The following PLEKHA5 variants were observed in gnomAD, a reference collection of about 807,000 sequenced individuals.
PLEKHA5 encodes pleckstrin homology domain-containing family A member 5.
In PLEKHA5, 55 loss-of-function variants were observed where a neutral mutation model predicts 181.9. That is an observed-to-expected ratio of 0.30 (90% CI 0.24 to 0.38). The LOEUF (loss-of-function observed/expected upper bound fraction) is 0.38. Among genes scored for constraint, PLEKHA5 ranks in the 10% least tolerant of loss-of-function variants. The probability of loss-of-function intolerance (pLI) is 1.00; values close to 1 mark genes in which losing one functional copy is unlikely to be tolerated. For synonymous variants in PLEKHA5, 535 were observed against 529.4 expected, an observed-to-expected ratio of 1.01 and a Z score of -0.15; for missense variants, 1,432 against 1,549.5, an observed-to-expected ratio of 0.92 and a Z score of 1.27.
At chr12:19,303,194 C>T (rs989037809) in intron 15 of PLEKHA5, among the ~76,000 whole-genome samples, 3 of 142,058 alleles carry the variant, frequency 2.1e-5, no homozygotes, top group East Asian at 4.8e-4. Flanking sequence ...AGTGAGTCAC[C>T]GCATCCAGCC....
intron 3 of PLEKHA5, among the ~76,000 whole-genome samples, chr12:19,236,381 C>T (rs1222294346): frequency 6.6e-6 from 1 of 152,128 alleles, no homozygotes; most frequent in Non-Finnish European, 1.5e-5. Context: ...ACTATAGAAT[C>T]TATCTTGTTG....
chr12:19,141,677 G>A (rs891836381), intron 3 of PLEKHA5, among the ~76,000 whole-genome samples: 1 of 152,178 alleles, frequency 6.6e-6, no homozygotes, highest in African/African-American at 2.4e-5. Flanking sequence ...AGAAAGTGCT[G>A]AATTTTGAGG....
At chr12:19,199,330 A>AGTTG (rs1452519435) in intron 3 of PLEKHA5, among the ~76,000 whole-genome samples, 4 of 152,196 alleles carry the variant, frequency 2.6e-5, no homozygotes, top group African/African-American at 9.6e-5. Flanking sequence ...AAAGCAATAA[A>AGTTG]ATATAAATAA....
chr12:19,243,511 G>A (rs1439785000), intron 3 of PLEKHA5: 7 of 152,212 alleles, frequency 4.6e-5, no homozygotes, highest in Non-Finnish European at 1.0e-4. Context: ...TGCTGGAGGT[G>A]AGGTTGAGTG....
At chr12:19,228,567 A>G (rs1291332512) in intron 3 of PLEKHA5, among the ~76,000 whole-genome samples, 1 of 152,212 alleles carries the variant, frequency 6.6e-6, no homozygotes. Flanking sequence ...TATATGAGGA[A>G]GATGTTATTA....
intron 3 of PLEKHA5, among the ~76,000 whole-genome samples, chr12:19,192,734 T>A (rs1018121865): frequency 2.6e-5 from 4 of 152,124 alleles, no homozygotes; most frequent in Admixed American, 6.6e-5. Flanking sequence ...AAGAATTTAT[T>A]CTTACTAAAA....
chr12:19,240,910 G>A (rs1305447761), intron 3 of PLEKHA5, among the ~76,000 whole-genome samples: 5 of 152,038 alleles, frequency 3.3e-5, no homozygotes, highest in East Asian at 1.9e-4. Flanking sequence ...GCAACTTTTC[G>A]AGTAAGTATT....
chr12:19,353,623 C>G (rs753095731), intron 25 of PLEKHA5, among the ~76,000 whole-genome samples: 47 of 152,172 alleles, frequency 3.1e-4, no homozygotes, highest in Non-Finnish European at 5.3e-4. Context: ...CCACGCCCAT[C>G]TAATTTTGTA....
chr12:19,144,509 C>T (rs906582418), intron 3 of PLEKHA5, among the ~76,000 whole-genome samples: 35 of 152,160 alleles, frequency 2.3e-4, no homozygotes, highest in African/African-American at 8.4e-4. Context: ...ATCATGCTTT[C>T]CCATGTGGTC....
rs548711870 is a variant in PLEKHA5 at position 19,157,190 on chromosome 12, T to C, written c.227+24740T>C. Reference sequence around the variant, plus strand: ...TTATAGTGTAATCACAAAACCCTCATGCTGAGTTTAAAATTACAAAGAAAA... The same window carrying C: ...TTATAGTGTAATCACAAAACCCTCACGCTGAGTTTAAAATTACAAAGAAAA... On this transcript the variant is annotated intron_variant, in intron 3 of 31. Transcript: ENST00000429027. Among the ~76,000 whole-genome samples the C allele has an allele frequency of 2.6e-5, 4 of 151,490 alleles. No homozygotes were observed. The East Asian group carries it at 7.8e-4, about 30-fold the overall frequency.
intron 3 of PLEKHA5, among the ~76,000 whole-genome samples, chr12:19,231,544 G>T (rs11044453): frequency 6.8e-6 from 1 of 147,286 alleles, no homozygotes; most frequent in Non-Finnish European, 1.5e-5. Context: ...ACATATATAT[G>T]TATATATATT....
chr12:19,354,274 C>T (rs989477087), intron 26 of PLEKHA5, among the ~76,000 whole-genome samples: 5 of 142,494 alleles, frequency 3.5e-5, no homozygotes, highest in African/African-American at 1.3e-4. Context: ...GCCTTAGCCT[C>T]CGGAGTAGCT....
chr12:19,287,523 G>A lies in PLEKHA5; in HGVS notation c.1830G>A (p.Gln610=). 6.2e-7 allele frequency: 1 copy of A among 1,609,130 alleles called. No individual in the cohort carries two copies. Among genetic ancestry groups the A allele is most frequent in the Non-Finnish European group, 8.5e-7 (1 of 1,176,172 alleles). ...CAGTGCCAGCTGGCCTGACTTTACAGTCTGTTAGTCCCCAGAGCCTCCAAG... is the reference window on the plus strand; with the variant it reads ...CAGTGCCAGCTGGCCTGACTTTACAATCTGTTAGTCCCCAGAGCCTCCAAG... The part of the protein sequence containing the change: ...RRSVPAGLTL[Q]SVSPQSLQGK... Residue 610 remains glutamine (Q), a synonymous_variant, in exon 13 of 32, where the codon CAG becomes CAA. Transcript: ENST00000429027.
At chr12:19,363,934 T>A (rs2095341984) in intron 29 of PLEKHA5, among the ~76,000 whole-genome samples, 1 of 152,232 alleles carries the variant, frequency 6.6e-6, no homozygotes. Context: ...TTGAAAAGTA[T>A]TTGGCAATGT....
intron 31 of PLEKHA5, among the ~76,000 whole-genome samples, chr12:19,375,211 C>G (rs997312394): frequency 5.9e-5 from 9 of 151,946 alleles, no homozygotes; most frequent in Non-Finnish European, 1.0e-4. Flanking sequence ...GTAATCCCAG[C>G]TAGTTGGGAG....
Position 19,284,442 on chromosome 12 carries a change from A to T in PLEKHA5, c.1779+697A>T, listed in dbSNP as rs569000602. 2.0e-5 allele frequency among the ~76,000 whole-genome samples: 3 copies of T among 152,210 alleles called. 1 individual carries two copies. The highest frequency in any genetic ancestry group is 7.2e-5 in the African/African-American group (3 of 41,510). Reference sequence around the variant, plus strand: ...ACCTACTGTCTTCTGGCATACCTGAAATTTTGTATCAAGCTCATCCTGTTG... The same window carrying T: ...ACCTACTGTCTTCTGGCATACCTGATATTTTGTATCAAGCTCATCCTGTTG... On this transcript the variant is annotated intron_variant, in intron 12 of 31. Transcript: ENST00000429027.
At chr12:19,357,092 T>C (rs1366869005) in intron 26 of PLEKHA5, among the ~76,000 whole-genome samples, 4 of 152,168 alleles carry the variant, frequency 2.6e-5, no homozygotes, top group African/African-American at 9.6e-5. Flanking sequence ...CATTACGTTT[T>C]CATCAAAATA....
intron 20 of PLEKHA5, among the ~76,000 whole-genome samples, chr12:19,331,012 AT>A (rs1443982382): frequency 1.4e-4 from 22 of 152,118 alleles, no homozygotes; most frequent in Admixed American, 1.3e-4. Context: ...TGTAGGTTTT[AT>A]TTTTTAATGA....
At chr12:19,366,878 T>C (rs1047946279) in intron 30 of PLEKHA5, among the ~76,000 whole-genome samples, 2 of 152,176 alleles carry the variant, frequency 1.3e-5, no homozygotes, top group Admixed American at 1.3e-4. Flanking sequence ...AGTTGTTCTG[T>C]GCTCTATTCT....
Sources: allele counts gnomAD v4.1 joint callset (sites outside exome capture counted in the v4.1 genomes callset), GRCh38; gene constraint gnomAD v4.1.1; transcripts MANE v1.5; gene names NCBI Gene and HGNC (gene_info 2026-07-23, HGNC 2026-07-21).